FAM167B: variants seen among roughly 807,000 people sequenced by gnomAD.
FAM167B encodes family with sequence similarity 167 member B, also known as protein FAM167B.
FAM167B carries 7 observed loss-of-function variants against 15.4 expected under a neutral mutation model. That is an observed-to-expected ratio of 0.46 (90% CI 0.26 to 0.86). FAM167B has a LOEUF of 0.86. FAM167B is among the 40% of genes least tolerant of loss of function. The probability of loss-of-function intolerance (pLI) is 0.17; values close to 1 mark genes in which losing one functional copy is unlikely to be tolerated. For synonymous variants in FAM167B, 100 were observed against 94.6 expected (o/e 1.06, Z -0.33); for missense variants, 207 against 208.3 (o/e 0.99, Z 0.04).
At chr1:32,248,170 G>C (rs369859801) in intron 1 of FAM167B, among the ~76,000 whole-genome samples, 2 of 152,180 alleles carry the variant, frequency 1.3e-5, no homozygotes, top group African/African-American at 4.8e-5. Context: ...CCAGGCAGTT[G>C]GATTTGCTTA....
In FAM167B at chr1:32,247,489, G is replaced by T. The variant is rs770666613; in HGVS notation, c.68G>T (p.Ser23Ile). The part of the protein sequence containing the change: ...EEDEEDEEGE[S>I]LDSVKALTAK... ...GACGAGGAGGATGAGGAGGGGGAGA[G>T]CCTGGACTCTGTGAAGGCACTGACA... is the stretch of plus-strand genomic sequence containing the variant. Residue 23 changes from serine to isoleucine, a missense_variant, in exon 1 of 2, where the codon AGC becomes ATC. Ser to Ile is a moderately radical substitution (Grantham distance 142, BLOSUM62 -2). Transcript: ENST00000373582. 6 of 1,606,246 alleles carry T rather than the reference G, an allele frequency of 3.7e-6. No homozygotes were observed. Among genetic ancestry groups the T allele is most frequent in the Non-Finnish European group, 5.1e-6 (6 of 1,176,342 alleles).
At chr1:32,248,332 GGGCCTGTCCAGT>G in intron 1 of FAM167B, 27 bp from the exon 2 acceptor site, 1 of 1,496,496 alleles carries the variant, frequency 6.7e-7, no homozygotes. Flanking sequence ...GCGCGGCCGA[GGGCCTGTCCAGT>G]AGGCTCACGC....
At position 32,247,567 on chromosome 1, in the gene FAM167B, A is replaced by G. The variant is rs1473482927; in HGVS notation, c.146A>G (p.Gln49Arg). ...CCCTCATATCTGGAGTGGACAGCCC[A>G]GGTCCAGAGCCAGGCCTGGCGCAGG... ...RRPSYLEWTA[Q>R]VQSQAWRRAQ... The change falls in exon 1 of 2, where the codon CAG (glutamine) becomes CGG (arginine). Residue 49 changes from glutamine to arginine, a missense_variant. Transcript: ENST00000373582. 1 of 1,593,518 alleles carries G rather than the reference A, an allele frequency of 6.3e-7. No homozygotes were observed. The highest frequency in any genetic ancestry group is 1.8e-5 in the Admixed American group (1 of 56,970).
At chr1:32,247,729 T>A (rs1286602968) in intron 1 of FAM167B, 47 bp downstream of exon 1, 6 of 1,444,776 alleles carry the variant, frequency 4.2e-6, no homozygotes, top group African/African-American at 1.5e-5. Context: ...TTCAGGCTGG[T>A]CCTCCTTAGG....
chr1:32,247,768 T>A (rs1639428382), intron 1 of FAM167B, 86 bp downstream of exon 1: 1 of 1,329,278 alleles, frequency 7.5e-7, no homozygotes, highest in African/African-American at 1.5e-5. Context: ...GGGGAAGGGA[T>A]GAGAATGGAC....
chr1:32,248,703 C>G lies in FAM167B; in HGVS notation c.*102C>G, dbSNP rs987241428. ...AGGGGTGCCCCAGAGGCACCAGCTC[C>G]TGGCGGGGGAGGAGGAACATTCAGG... On this transcript the variant is annotated 3_prime_UTR_variant, in exon 2 of 2. Transcript: ENST00000373582. 1 of 1,026,074 alleles carries G rather than the reference C, an allele frequency of 9.7e-7. No individual in the cohort carries two copies. The highest frequency in any genetic ancestry group is 1.4e-6 in the Non-Finnish European group (1 of 725,324). 63.6% of individuals were successfully genotyped at this position (1,026,074 alleles called of 1,614,324 possible). A position where few individuals can be genotyped will look rare whatever the true frequency, so the allele number is the denominator to read the frequency against.
At position 32,248,330 on chromosome 1, in the gene FAM167B, G is replaced by A. The variant is rs763150084; in HGVS notation, c.262-41G>A. The A allele has an allele frequency of 7.6e-5, 113 of 1,490,912 alleles. No homozygotes were observed. In the East Asian group the frequency reaches 1.7e-3, roughly 22 times the overall value. The allele number at this position is 1,490,912 out of a possible 1,614,324, so 92.4% of individuals were successfully genotyped here. ...AGGAAGGGAGAAACGGCGCGCGGCC[G>A]AGGGCCTGTCCAGTAGGCTCACGCC... is the stretch of plus-strand genomic sequence containing the variant. On this transcript the variant is annotated intron_variant, in intron 1 of 1. Coordinates refer to ENST00000373582, the MANE Select transcript of FAM167B (RefSeq NM_032648.3).
At position 32,247,372 on chromosome 1, in the gene FAM167B, C is replaced by G. The variant is rs761470712; in HGVS notation, c.-50C>G. ...TCCCTGGGCAATACTGCCAGCCTTTCCCTAATCTCAGAGCTGCAGCCCTGC... is the reference window on the plus strand; with the variant it reads ...TCCCTGGGCAATACTGCCAGCCTTTGCCTAATCTCAGAGCTGCAGCCCTGC... On this transcript the variant is annotated 5_prime_UTR_variant, in exon 1 of 2. Transcript: ENST00000373582. 6.8e-7 allele frequency: 1 copy of G among 1,465,816 alleles called. No individual in the cohort carries two copies. Among genetic ancestry groups the G allele is most frequent in the South Asian group, 1.5e-5 (1 of 67,094 alleles). 90.8% of individuals were successfully genotyped at this position (1,465,816 alleles called of 1,614,324 possible).
chr1:32,247,554 G>A lies in FAM167B; in HGVS notation c.133G>A (p.Glu45Lys), dbSNP rs1259926069. The change falls in exon 1 of 2, where the codon GAG becomes AAG. Residue 45 changes from glutamate (E) to lysine (K), a missense_variant. Coordinates refer to ENST00000373582, the MANE Select transcript of FAM167B (RefSeq NM_032648.3). Reference protein sequence around the residue: ...QLQTRRPSYLEWTAQVQSQAW... With the variant: ...QLQTRRPSYLKWTAQVQSQAW... The stretch of plus-strand genomic sequence containing the variant: ...GCAGACTCGGCGGCCCTCATATCTG[G>A]AGTGGACAGCCCAGGTCCAGAGCCA... 2 of 1,605,300 alleles carry A rather than the reference G, an allele frequency of 1.2e-6. No individual in the cohort carries two copies. Among genetic ancestry groups the A allele is most frequent in the Non-Finnish European group, 8.5e-7 (1 of 1,175,654 alleles).
At chr1:32,248,196 C>G (rs1167090126) in intron 1 of FAM167B, among the ~76,000 whole-genome samples, 175 bp from the exon 2 acceptor site, 1 of 151,900 alleles carries the variant, frequency 6.6e-6, no homozygotes, top group Non-Finnish European at 1.5e-5. Flanking sequence ...GACTCCTTAG[C>G]TGGGTTTGAG....
intron 1 of FAM167B, among the ~76,000 whole-genome samples, chr1:32,247,976 C>T (rs1477156729): frequency 1.3e-5 from 2 of 152,176 alleles, no homozygotes; most frequent in African/African-American, 4.8e-5. Context: ...TACACAGCCT[C>T]CCCTACTCTG....
Position 32,247,656 on chromosome 1 carries a change from G to A in FAM167B, c.235G>A (p.Ala79Thr), listed in dbSNP as rs11576018. ...CTGTGGTTTCGACTCAATGGACTCC[G>A]CCCTTGAGTGGCTCCGACGGGAGCT... ...DICGFDSMDS[A>T]LEWLRRELRE... is the part of the protein sequence containing the mutation. The change falls in exon 1 of 2, where the codon GCC becomes ACC. Residue 79 changes from alanine (A) to threonine (T), a missense_variant. Ala to Thr is a moderately conservative substitution (Grantham distance 58). Transcript: ENST00000373582. The A allele has an allele frequency of 1.6e-4, 232 of 1,475,250 alleles. 1 individual carries two copies. Among genetic ancestry groups the A allele is most frequent in the Non-Finnish European group, 1.8e-4 (195 of 1,109,596 alleles). The allele number at this position is 1,475,250 out of a possible 1,614,324, so 91.4% of individuals were successfully genotyped here.
chr1:32,248,311 G>A, intron 1 of FAM167B, 60 bp from the exon 2 acceptor site: 1 of 1,419,310 alleles, frequency 7.0e-7, no homozygotes, highest in Non-Finnish European at 9.4e-7. Flanking sequence ...TGCCAGGAAG[G>A]GAGAAACGGC....
rs150644243 is a variant in FAM167B, at chr1:32,248,464, C to T, written c.355C>T (p.Leu119=). ...ACTGAAGATGGACCAAGCCTGTCAC[C>T]TGCACCAGGAGCTGCTGGATGAGGC... ...HRLKMDQACH[L]HQELLDEAEL... The change falls in exon 2 of 2, where the codon CTG becomes TTG. Residue 119 remains leucine (L), a synonymous_variant. Transcript: ENST00000373582. The T allele has an allele frequency of 5.5e-5, 89 of 1,606,004 alleles. No individual in the cohort carries two copies. The African/African-American group carries it at 1.0e-3, about 18-fold the overall frequency.
In FAM167B at chr1:32,247,557, T is replaced by G. The variant is rs1440565135; in HGVS notation, c.136T>G (p.Trp46Gly). The G allele has an allele frequency of 6.9e-6, 11 of 1,601,156 alleles. No homozygotes were observed. The highest frequency in any genetic ancestry group is 2.3e-5 in the East Asian group (1 of 43,814). The change falls in exon 1 of 2, where the codon TGG becomes GGG. Residue 46 changes from tryptophan to glycine, a missense_variant. Trp to Gly is a radical substitution (Grantham distance 184). Coordinates refer to ENST00000373582, the MANE Select transcript of FAM167B (RefSeq NM_032648.3). ...GACTCGGCGGCCCTCATATCTGGAG[T>G]GGACAGCCCAGGTCCAGAGCCAGGC... Reference protein sequence around the residue: ...LQTRRPSYLEWTAQVQSQAWR... With the variant: ...LQTRRPSYLEGTAQVQSQAWR...
Position 32,248,657 on chromosome 1 carries a change from C to G in FAM167B, c.*56C>G. 2 of 1,415,638 alleles carry G rather than the reference C, an allele frequency of 1.4e-6. No homozygotes were observed. The highest frequency in any genetic ancestry group is 1.9e-6 in the Non-Finnish European group (2 of 1,064,542). The allele number at this position is 1,415,638 out of a possible 1,614,324, so 87.7% of individuals were successfully genotyped here. Reference sequence around the variant, plus strand: ...CCTCTCCCAATGCCGCTTCCCCTGCCTGCCTGGGAAGAGGAAAGGGAGGGG... The same window carrying G: ...CCTCTCCCAATGCCGCTTCCCCTGCGTGCCTGGGAAGAGGAAAGGGAGGGG... On this transcript the variant is annotated 3_prime_UTR_variant, in exon 2 of 2. Transcript: ENST00000373582.
rs750123318 is a variant in FAM167B at position 32,248,420 on chromosome 1, T to G, written c.311T>G (p.Leu104Arg). The change falls in exon 2 of 2, where the codon CTG becomes CGG. Residue 104 changes from leucine (L) to arginine (R), a missense_variant. Leu to Arg is a moderately radical substitution (Grantham distance 102, BLOSUM62 -2). Coordinates refer to ENST00000373582, the MANE Select transcript of FAM167B (RefSeq NM_032648.3). ...DRQLAGQLLR[L>R]RAQLHRLKMD... The stretch of plus-strand genomic sequence containing the variant: ...CAGCTGGCAGGGCAGCTGCTGCGGC[T>G]GCGGGCCCAGCTGCACCGACTGAAG... 1.4e-5 allele frequency: 22 copies of G among 1,600,552 alleles called. 1 individual carries two copies. The South Asian group carries it at 2.3e-4, about 17-fold the overall frequency.
In FAM167B at chr1:32,247,671, C is replaced by T. The variant is rs766727914; in HGVS notation, c.250C>T (p.Arg84Ter). 1.6e-5 allele frequency: 24 copies of T among 1,468,292 alleles called. No individual in the cohort carries two copies. Among genetic ancestry groups the T allele is most frequent in the Middle Eastern group, 1.8e-4 (1 of 5,472 alleles). 91.0% of individuals were successfully genotyped at this position (1,468,292 alleles called of 1,614,324 possible). The change falls in exon 1 of 2, where the codon CGA becomes TGA. Residue 84 changes from arginine to a stop codon, truncating the protein, a stop_gained. Transcript: ENST00000373582. LOFTEE classifies it high-confidence loss of function. ...AATGGACTCCGCCCTTGAGTGGCTC[C>T]GACGGGAGCTGGTGAGTCTGGTGGG... Reference protein sequence around the residue: ...DSMDSALEWLRRELREMQAQD... With the variant: ...DSMDSALEWL
In FAM167B at chr1:32,247,392, C is replaced by A; in HGVS notation, c.-30C>A. Reference sequence around the variant, plus strand: ...CCTTTCCCTAATCTCAGAGCTGCAGCCCTGCCCTGTCACTCACCTCAAACC... The same window carrying A: ...CCTTTCCCTAATCTCAGAGCTGCAGACCTGCCCTGTCACTCACCTCAAACC... On this transcript the variant is annotated 5_prime_UTR_variant, in exon 1 of 2. Transcript: ENST00000373582. 6.7e-7 allele frequency: 1 copy of A among 1,486,624 alleles called. No individual in the cohort carries two copies. Among genetic ancestry groups the A allele is most frequent in the East Asian group, 2.5e-5 (1 of 39,902 alleles). The allele number at this position is 1,486,624 out of a possible 1,614,324, so 92.1% of individuals were successfully genotyped here.
Sources: gnomAD v4.1 joint callset for allele counts (sites outside exome capture counted in the v4.1 genomes callset) on GRCh38, gnomAD v4.1.1 for gene constraint, MANE v1.5 for transcripts, NCBI Gene and HGNC (gene_info 2026-07-23, HGNC 2026-07-21) for gene names.